Variants in TENM4 observed in about 807,000 individuals in gnomAD.
TENM4 encodes teneurin transmembrane protein 4.
Under a neutral mutation model 243.3 loss-of-function variants are expected in TENM4, and 82 were observed. The observed-to-expected ratio is 0.34, with a 90% confidence interval of 0.28 to 0.40. The LOEUF (loss-of-function observed/expected upper bound fraction) is 0.40. Ranked by LOEUF, TENM4 falls within the 10% of genes least tolerant of loss-of-function variation. The pLI is 1.00. For missense variants in TENM4, 3,138 were observed against 3,673.3 expected (o/e 0.85, Z 3.77); for synonymous variants, 1,412 against 1,456.3 (o/e 0.97, Z 0.69).
chr11:78,828,017 G>A (rs1221706360), intron 12 of TENM4, among the ~76,000 whole-genome samples: 2 of 152,172 alleles, frequency 1.3e-5, no homozygotes, highest in Non-Finnish European at 2.9e-5. Flanking sequence ...TATCTGTGCT[G>A]CCACAGTGAC....
intron 2 of TENM4, among the ~76,000 whole-genome samples, chr11:79,221,546 G>A (rs1864155179): frequency 6.6e-6 from 1 of 151,762 alleles, no homozygotes; most frequent in South Asian, 2.1e-4. Flanking sequence ...GAGCACGTCA[G>A]TGAGGTGGAA....
intron 28 of TENM4, among the ~76,000 whole-genome samples, chr11:78,695,772 C>CT (rs57847507): frequency 8.0e-4 from 114 of 142,940 alleles, no homozygotes; most frequent in Middle Eastern, 3.6e-3. Flanking sequence ...TTATAAAATG[C>CT]TTTTTTTTTT....
At chr11:78,776,987 A>G (rs985331069) in intron 17 of TENM4, among the ~76,000 whole-genome samples, 3 of 152,104 alleles carry the variant, frequency 2.0e-5, no homozygotes, top group African/African-American at 7.2e-5. Flanking sequence ...AGGATGACCC[A>G]TTCAACTCCC....
chr11:78,722,524 G>T, intron 24 of TENM4, 144 bp downstream of exon 24: 2 of 1,114,578 alleles, frequency 1.8e-6, no homozygotes, highest in Non-Finnish European at 2.6e-6. Context: ...ACCTGCTTGA[G>T]CTGGGAGGTG....
chr11:79,176,028 G>A (rs893618635), intron 3 of TENM4, among the ~76,000 whole-genome samples: 2 of 152,158 alleles, frequency 1.3e-5, no homozygotes. Flanking sequence ...GGAGGTCGAG[G>A]CTGCGGTGAG....
intron 4 of TENM4, among the ~76,000 whole-genome samples, chr11:79,134,312 G>A (rs571465700): frequency 1.8e-4 from 28 of 152,140 alleles, no homozygotes; most frequent in Admixed American, 6.6e-4. Flanking sequence ...TCTCTACAAG[G>A]AAAACTACAC....
At chr11:78,677,471 T>C (rs1858508729) in intron 29 of TENM4, among the ~76,000 whole-genome samples, 2 of 152,040 alleles carry the variant, frequency 1.3e-5, no homozygotes, top group South Asian at 4.1e-4. Flanking sequence ...ACCAGGCAGG[T>C]CTTGAACTCC....
intron 26 of TENM4, among the ~76,000 whole-genome samples, chr11:78,710,271 TA>T (rs1859366285): frequency 6.6e-6 from 1 of 152,214 alleles, no homozygotes; most frequent in South Asian, 2.1e-4. Context: ...CAATAATTAT[TA>T]ATGACCATTG....
intron 6 of TENM4, among the ~76,000 whole-genome samples, chr11:78,999,323 C>A (rs985445987): frequency 6.6e-6 from 1 of 152,128 alleles, no homozygotes; most frequent in African/African-American, 2.4e-5. Context: ...ACCATCCTGG[C>A]TAACATGGTG....
intron 2 of TENM4, among the ~76,000 whole-genome samples, chr11:79,223,103 ACCTGCACAT>A (rs1864195766): frequency 6.6e-6 from 1 of 152,078 alleles, no homozygotes; most frequent in South Asian, 2.1e-4. Context: ...TGTGTAACAA[ACCTGCACAT>A]CCTGCACATG....
At chr11:79,103,110 C>T (rs1450328891) in intron 4 of TENM4, among the ~76,000 whole-genome samples, 2 of 152,074 alleles carry the variant, frequency 1.3e-5, no homozygotes, top group Admixed American at 6.5e-5. Context: ...AATACACTGG[C>T]GGTGCCGCTG....
intron 6 of TENM4, among the ~76,000 whole-genome samples, chr11:78,977,243 C>T (rs753078441): frequency 3.9e-5 from 6 of 152,168 alleles, no homozygotes; most frequent in African/African-American, 7.2e-5. Flanking sequence ...GAGTAGGTTC[C>T]CACCCTCCTC....
intron 32 of TENM4, among the ~76,000 whole-genome samples, chr11:78,666,347 C>T (rs1250109073): frequency 6.6e-6 from 1 of 152,226 alleles, no homozygotes; most frequent in East Asian, 1.9e-4. Context: ...CTTAAGTATT[C>T]TTTTGCAAAC....
intron 2 of TENM4, among the ~76,000 whole-genome samples, chr11:79,284,237 A>ACAGAATATT (rs1162283639): frequency 6.6e-6 from 1 of 152,226 alleles, no homozygotes; most frequent in Non-Finnish European, 1.5e-5. Context: ...TGCAAGGAAC[A>ACAGAATATT]CAGAATATTC....
rs535384015 is a variant in TENM4, at chr11:78,708,611, A to G, written c.4055-96T>C. 13 of 1,425,326 alleles carry G rather than the reference A, an allele frequency of 9.1e-6. No individual in the cohort carries two copies. The Admixed American group carries it at 1.8e-4, about 20-fold the overall frequency. The allele number at this position is 1,425,326 out of a possible 1,614,324, so 88.3% of individuals were successfully genotyped here. ...TGCTAACTGACAGAGCACCTCCTCTACATGATTGGGTTTGAGCCTCCCACA... is the reference window on the plus strand; with the variant it reads ...TGCTAACTGACAGAGCACCTCCTCTGCATGATTGGGTTTGAGCCTCCCACA... On this transcript the variant is annotated intron_variant, in intron 26 of 33. Coordinates refer to ENST00000278550, the MANE Select transcript of TENM4 (RefSeq NM_001098816.3).
chr11:79,405,071 C>A (rs1203586754), intron 1 of TENM4, among the ~76,000 whole-genome samples: 1 of 152,074 alleles, frequency 6.6e-6, no homozygotes, highest in African/African-American at 2.4e-5. Flanking sequence ...AGGGGAGGAA[C>A]TTCAGAATTA....
chr11:79,254,656 C>A (rs1041052443), intron 2 of TENM4, among the ~76,000 whole-genome samples: 1 of 152,120 alleles, frequency 6.6e-6, no homozygotes, highest in Admixed American at 6.5e-5. Context: ...TTGCACACAT[C>A]AAAAATCACT....
chr11:79,437,650 G>A (rs1480521126), intron 1 of TENM4, among the ~76,000 whole-genome samples: 1 of 152,214 alleles, frequency 6.6e-6, no homozygotes, highest in African/African-American at 2.4e-5. Context: ...GACAACTGGA[G>A]GCCGGCGGGG....
chr11:78,675,939 A>G (rs1858456969), intron 30 of TENM4, among the ~76,000 whole-genome samples: 1 of 152,230 alleles, frequency 6.6e-6, no homozygotes, highest in African/African-American at 2.4e-5. Context: ...AATTCAACTC[A>G]GACCTGTCTA....
Sources: allele counts gnomAD v4.1 joint callset (sites outside exome capture counted in the v4.1 genomes callset), GRCh38; gene constraint gnomAD v4.1.1; transcripts MANE v1.5; gene names NCBI Gene and HGNC (gene_info 2026-07-23, HGNC 2026-07-21).